Variants in LILRA2 observed in about 807,000 individuals in gnomAD.
LILRA2 encodes leukocyte immunoglobulin like receptor A2, also known as leukocyte immunoglobulin-like receptor subfamily A member 2.
Under a neutral mutation model 47.9 loss-of-function variants are expected in LILRA2, and 45 were observed. That is an observed-to-expected ratio of 0.94 (90% CI 0.74 to 1.20). The LOEUF is 1.20. Among genes scored for constraint, LILRA2 ranks in the 50% most tolerant of loss-of-function variants. The pLI is 0.00. For missense variants in LILRA2, 651 were observed against 598.2 expected, an observed-to-expected ratio of 1.09 and a Z score of -0.92; for synonymous variants, 279 against 249.2, an observed-to-expected ratio of 1.12 and a Z score of -1.13.
intron 6 of LILRA2, 21 bp from the exon 7 acceptor site, chr19:54,586,989 C>A: frequency 6.2e-7 from 1 of 1,601,782 alleles, no homozygotes; most frequent in Non-Finnish European, 8.5e-7. Context: ...CAGGGCTCTT[C>A]TCCACTGTTT....
intron 6 of LILRA2, among the ~76,000 whole-genome samples, chr19:54,576,967 G>C (rs8107492): frequency 7.1e-4 from 108 of 152,358 alleles, no homozygotes; most frequent in African/African-American, 2.5e-3. Context: ...ACCTTCTGGG[G>C]CATCTGGGAT....
At chr19:54,577,501 G>A (rs753757448) in intron 6 of LILRA2, 2 of 1,289,370 alleles carry the variant, frequency 1.6e-6, no homozygotes, top group African/African-American at 3.0e-5. Flanking sequence ...ACACCTGCGG[G>A]GTCCCTGGGC....
At chr19:54,577,170 A>C (rs2062486628) in intron 6 of LILRA2, among the ~76,000 whole-genome samples, 2 of 151,182 alleles carry the variant, frequency 1.3e-5, no homozygotes, top group Admixed American at 1.3e-4. Context: ...AAAAGTTTAC[A>C]AAACCCCGCT....
chr19:54,574,639 C>T (rs45497601), intron 3 of LILRA2, 57 bp downstream of exon 3: 2 of 1,598,664 alleles, frequency 1.3e-6, no homozygotes, highest in African/African-American at 1.3e-5. Flanking sequence ...AGGGGGTCGG[C>T]TCTCAGGGGC....
rs1237952707 is a variant in LILRA2, at chr19:54,575,635, G to T, written c.952+83G>T. ...GAGCCCAGGTGGTGATGGCCGGAAT[G>T]AGGGTTGGGGGTCCCAAGGGAGGGA... On this transcript the variant is annotated intron_variant, in intron 5 of 7. Coordinates refer to ENST00000391738, the MANE Select transcript of LILRA2 (RefSeq NM_001130917.3). 6 of 1,582,578 alleles carry T rather than the reference G, an allele frequency of 3.8e-6. No individual in the cohort carries two copies. In the East Asian group the frequency reaches 1.3e-4, roughly 36 times the overall value.
upstream of LILRA2, chr19:54,573,547 C>T (rs1456718328): frequency 2.6e-6 from 2 of 773,864 alleles, no homozygotes; most frequent in Admixed American, 4.1e-5. Context: ...TCTGGAAGGG[C>T]AGACGCAGGA....
intron 6 of LILRA2, among the ~76,000 whole-genome samples, chr19:54,578,928 G>A (rs1161166155): frequency 6.6e-6 from 1 of 152,016 alleles, no homozygotes; most frequent in East Asian, 1.9e-4. Context: ...CTTCTCTTGA[G>A]AAGTGTCTGT....
chr19:54,587,368 C>T lies in LILRA2; in HGVS notation c.*22C>T. ...GTGAACAGCAGAGAGGACAATGCAT[C>T]CTTCAGCGTGGTGGAGCCTCAGGGA... On this transcript the variant is annotated 3_prime_UTR_variant, in exon 8 of 8. Transcript: ENST00000391738. 1 of 1,614,032 alleles carries T rather than the reference C, an allele frequency of 6.2e-7. No homozygotes were observed. Among genetic ancestry groups the T allele is most frequent in the Non-Finnish European group, 8.5e-7 (1 of 1,179,940 alleles).
In LILRA2 at chr19:54,587,421, G is replaced by A; in HGVS notation, c.*75G>A. ...GATCTGATGATCCCAGGAGGCTCTG[G>A]AGGACAATCTAGGACCTACATTATC... On this transcript the variant is annotated 3_prime_UTR_variant, in exon 8 of 8. Transcript: ENST00000391738. 1 of 1,601,166 alleles carries A rather than the reference G, an allele frequency of 6.2e-7. No individual in the cohort carries two copies. The highest frequency in any genetic ancestry group is 1.3e-5 in the African/African-American group (1 of 74,762).
rs1168575263 is a variant in LILRA2 at position 54,590,129 on chromosome 19, A to G, written c.*2783A>G. 1 of 151,974 alleles carries G rather than the reference A, an allele frequency of 6.6e-6. No individual in the cohort carries two copies. The highest frequency in any genetic ancestry group is 1.5e-5 in the Non-Finnish European group (1 of 67,980). The allele number at this position is 151,974 out of a possible 1,614,324, so 9.4% of individuals were successfully genotyped here. ...TTTGCAAGTATTTATTGACTAACAT[A>G]CTCCTTATTTCCTTCATTCTGAAAG... On this transcript the variant is annotated 3_prime_UTR_variant, in exon 8 of 8. Coordinates refer to ENST00000391738, the MANE Select transcript of LILRA2 (RefSeq NM_001130917.3).
chr19:54,587,379 G>T lies in LILRA2; in HGVS notation c.*33G>T, dbSNP rs1337860554. 2 of 1,613,824 alleles carry T rather than the reference G, an allele frequency of 1.2e-6. No homozygotes were observed. Among genetic ancestry groups the T allele is most frequent in the East Asian group, 2.2e-5 (1 of 44,882 alleles). ...AGAGGACAATGCATCCTTCAGCGTG[G>T]TGGAGCCTCAGGGACAGATCTGATG... On this transcript the variant is annotated 3_prime_UTR_variant, in exon 8 of 8. Coordinates refer to ENST00000391738, the MANE Select transcript of LILRA2 (RefSeq NM_001130917.3).
chr19:54,586,538 A>T (rs980756230), intron 6 of LILRA2, among the ~76,000 whole-genome samples: 1 of 152,182 alleles, frequency 6.6e-6, no homozygotes, highest in African/African-American at 2.4e-5. Context: ...TGTGTTCCTG[A>T]CATTCAAGAG....
intron 6 of LILRA2, among the ~76,000 whole-genome samples, chr19:54,580,274 A>G (rs1267308058): frequency 8.5e-6 from 1 of 117,248 alleles, no homozygotes; most frequent in Non-Finnish European, 1.7e-5. Flanking sequence ...ATATGTATAC[A>G]TGTGCCATGC....
At position 54,587,437 on chromosome 19, in the gene LILRA2, C is replaced by T. The variant is rs1162735997; in HGVS notation, c.*91C>T. ...GAGGCTCTGGAGGACAATCTAGGAC[C>T]TACATTATCTGGACTGTATGCTGGT... On this transcript the variant is annotated 3_prime_UTR_variant, in exon 8 of 8. Transcript: ENST00000391738. 3 of 1,567,414 alleles carry T rather than the reference C, an allele frequency of 1.9e-6. No individual in the cohort carries two copies. The highest frequency in any genetic ancestry group is 2.6e-6 in the Non-Finnish European group (3 of 1,153,796).
intron 6 of LILRA2, among the ~76,000 whole-genome samples, chr19:54,582,841 C>T (rs1437575292): frequency 2.0e-5 from 3 of 152,100 alleles, no homozygotes; most frequent in Non-Finnish European, 4.4e-5. Context: ...TTTGCTCTTG[C>T]TTCTCTAGTT....
intron 6 of LILRA2, chr19:54,577,433 T>C: frequency 7.9e-7 from 1 of 1,261,032 alleles, no homozygotes; most frequent in Non-Finnish European, 1.0e-6. Context: ...AGATGGACAG[T>C]GTATTGGCAG....
At chr19:54,586,398 C>A (rs1225685411) in intron 6 of LILRA2, among the ~76,000 whole-genome samples, 2 of 152,054 alleles carry the variant, frequency 1.3e-5, no homozygotes, top group African/African-American at 4.8e-5. Flanking sequence ...GGTGTGCATG[C>A]ACGTGTATTG....
chr19:54,574,893 C>T lies in LILRA2; in HGVS notation c.515C>T (p.Ala172Val), dbSNP rs148910186. The T allele has an allele frequency of 3.1e-6, 5 of 1,608,916 alleles. No individual in the cohort carries two copies. The highest frequency in any genetic ancestry group is 4.2e-6 in the Non-Finnish European group (5 of 1,179,496). Residue 172 changes from alanine (A) to valine (V), a missense_variant, in exon 4 of 8, where the codon GCC becomes GTC. Ala to Val is a moderately conservative substitution (Grantham distance 64, BLOSUM62 0). Coordinates refer to ENST00000391738, the MANE Select transcript of LILRA2 (RefSeq NM_001130917.3). ...CAACGCCTGAACTCCCATTCCCATG[C>T]CCGTGGGTGGTCCTGGGCCATCTTC... ...HPQRLNSHSH[A>V]RGWSWAIFSV...
intron 4 of LILRA2, 94 bp downstream of exon 4, chr19:54,575,127 G>A (rs2062354566): frequency 1.3e-6 from 2 of 1,561,536 alleles, no homozygotes; most frequent in Non-Finnish European, 1.7e-6. Context: ...GCTCCAGGTG[G>A]GATGATGTTG....
Sources: gnomAD v4.1 joint callset for allele counts (sites outside exome capture counted in the v4.1 genomes callset) on GRCh38, gnomAD v4.1.1 for gene constraint, MANE v1.5 for transcripts, NCBI Gene and HGNC (gene_info 2026-07-23, HGNC 2026-07-21) for gene names.